The following COBL variants were observed in gnomAD, a reference collection of about 807,000 sequenced individuals.
COBL encodes cordon-bleu WH2 repeat protein.
A neutral mutation model predicts 98.8 loss-of-function variants in COBL; 51 were observed. The observed-to-expected ratio is 0.52, with a 90% CI of 0.41 to 0.65. COBL has a LOEUF of 0.65. Ranked by LOEUF, COBL falls within the 30% of genes least tolerant of loss-of-function variation. COBL has a pLI of 0.00. For missense variants in COBL, 1,617 were observed against 1,617.5 expected (o/e 1.00, Z 0.01); for synonymous variants, 634 against 651.7 (o/e 0.97, Z 0.41).
intron 5 of COBL, chr7:51,156,400 C>T: frequency 1.0e-6 from 1 of 985,306 alleles, no homozygotes; most frequent in Non-Finnish European, 1.2e-6. Flanking sequence ...TGAAAGCTCA[C>T]CGAAGTGTCT....
chr7:51,126,039 G>A (rs2128995163), intron 6 of COBL, among the ~76,000 whole-genome samples: 1 of 152,284 alleles, frequency 6.6e-6, no homozygotes, highest in Non-Finnish European at 1.5e-5. Context: ...CTTAAAATAT[G>A]GTGTTCAGGC....
chr7:51,065,528 G>A (rs1476132558), intron 7 of COBL: 1 of 620,456 alleles, frequency 1.6e-6, no homozygotes, highest in African/African-American at 1.8e-5. Flanking sequence ...TACAGTGTTG[G>A]GCTAGGGTGG....
intron 5 of COBL, among the ~76,000 whole-genome samples, chr7:51,163,280 G>A (rs920043980): frequency 2.6e-5 from 4 of 152,160 alleles, no homozygotes; most frequent in African/African-American, 7.2e-5. Flanking sequence ...GAAATATTAC[G>A]TCACTAACAT....
At chr7:51,280,184 C>G (rs962387742) in intron 1 of COBL, among the ~76,000 whole-genome samples, 4 of 151,580 alleles carry the variant, frequency 2.6e-5, no homozygotes, top group African/African-American at 7.3e-5. Context: ...TTTTTTTTTC[C>G]CAATCCTGGA....
At chr7:51,058,863 CG>C (rs1425604738) in intron 7 of COBL, among the ~76,000 whole-genome samples, 3 of 152,200 alleles carry the variant, frequency 2.0e-5, no homozygotes, top group African/African-American at 7.2e-5. Context: ...GGTCCTCCAA[CG>C]ACTTTCGTTC....
chr7:51,158,202 T>C (rs1786385951), intron 5 of COBL, among the ~76,000 whole-genome samples: 1 of 152,258 alleles, frequency 6.6e-6, no homozygotes, highest in South Asian at 2.1e-4. Context: ...TTATTCTTTT[T>C]ATTTTACTAT....
At chr7:51,208,233 G>A in intron 2 of COBL, among the ~76,000 whole-genome samples, 1 of 147,960 alleles carries the variant, frequency 6.8e-6, no homozygotes. Context: ...CCTCCGCCCG[G>A]CAGCCGCCCC....
At chr7:51,310,401 C>T (rs776273239) in intron 1 of COBL, among the ~76,000 whole-genome samples, 4 of 152,206 alleles carry the variant, frequency 2.6e-5, no homozygotes, top group Non-Finnish European at 4.4e-5. Context: ...AATCCTCCCG[C>T]TGTCTGCCTT....
chr7:51,043,435 G>T lies in COBL; in HGVS notation c.1354C>A (p.Pro452Thr), dbSNP rs1789398633. 6.2e-7 allele frequency: 1 copy of T among 1,614,208 alleles called. No individual in the cohort carries two copies. The change falls in exon 8 of 13, where the codon CCC (proline) becomes ACC (threonine). Residue 452 changes from proline (P) to threonine (T), a missense_variant. Physicochemically the swap from Pro to Thr is conservative, Grantham distance 38. Around this residue, in one of 3 missense-constraint regions of COBL, gnomAD observed 1,304 missense variants for 1,282.0 expected, o/e 1.02. Coordinates refer to ENST00000265136, the MANE Select transcript of COBL (RefSeq NM_015198.5). ...QDLAGTPDLG[P>T]QKSPLWEKNG... The stretch of plus-strand genomic sequence containing the variant: ...TTCTCCCACAAGGGGCTCTTCTGGG[G>T]ACCCAGGTCTGGGGTTCCAGCGAGG...
intron 4 of COBL, among the ~76,000 whole-genome samples, chr7:51,186,552 C>T (rs1272398743): frequency 6.6e-6 from 1 of 152,224 alleles, no homozygotes; most frequent in Admixed American, 6.5e-5. Context: ...GGCTGATCAT[C>T]ACCTCTAAGG....
intron 1 of COBL, among the ~76,000 whole-genome samples, chr7:51,291,012 T>C (rs994711307): frequency 1.3e-5 from 2 of 152,166 alleles, no homozygotes; most frequent in Non-Finnish European, 2.9e-5. Context: ...ACAGTGCCCA[T>C]TCCTGCCAGG....
At position 51,018,903 on chromosome 7, in the gene COBL, AAAATATAT is replaced by A. The variant is rs1359694822; in HGVS notation, c.3769-1343_3769-1336del. Among the ~76,000 whole-genome samples, 15 of 57,212 alleles carry A rather than the reference AAAATATAT, an allele frequency of 2.6e-4. 1 individual carries two copies. In the South Asian group the frequency reaches 4.8e-3, roughly 18 times the overall value. 37.5% of individuals were successfully genotyped at this position (57,212 alleles called of 152,430 possible). On this transcript the variant is annotated intron_variant, in intron 12 of 12. Coordinates refer to ENST00000265136, the MANE Select transcript of COBL (RefSeq NM_015198.5). ...AGAAACTCCATCTCAAAAAAAAAAA[AAAATATAT>A]ATATATATATATATATATATATATA...
intron 6 of COBL, among the ~76,000 whole-genome samples, chr7:51,106,950 T>C (rs368999258): frequency 2.0e-5 from 3 of 152,174 alleles, no homozygotes; most frequent in Admixed American, 6.5e-5. Context: ...TCATTACAAA[T>C]TGACAGCTTA....
chr7:51,264,455 G>A (rs913858817), intron 1 of COBL, among the ~76,000 whole-genome samples: 26 of 152,094 alleles, frequency 1.7e-4, no homozygotes, highest in Admixed American at 1.6e-3. Context: ...TGGATCACCT[G>A]AGGTGAGGAG....
At chr7:51,205,027 G>A (rs779277605) in intron 2 of COBL, among the ~76,000 whole-genome samples, 6 of 152,192 alleles carry the variant, frequency 3.9e-5, no homozygotes, top group Non-Finnish European at 7.4e-5. Context: ...ACAGATAAAT[G>A]TAAAGCTGTC....
intron 6 of COBL, among the ~76,000 whole-genome samples, chr7:51,132,136 A>C (rs1429159695): frequency 6.6e-6 from 1 of 152,222 alleles, no homozygotes; most frequent in Non-Finnish European, 1.5e-5. Context: ...TTTTAAATAT[A>C]ATCTGCTACT....
intron 7 of COBL, among the ~76,000 whole-genome samples, chr7:51,083,691 C>G (rs532436093): frequency 4.6e-5 from 7 of 152,298 alleles, no homozygotes; most frequent in African/African-American, 1.7e-4. Flanking sequence ...ATTCATTTAG[C>G]TTATCTCCTG....
intron 1 of COBL, among the ~76,000 whole-genome samples, chr7:51,316,127 GGGCTGC>G (rs1803553742): frequency 6.6e-6 from 1 of 152,200 alleles, no homozygotes; most frequent in African/African-American, 2.4e-5. Context: ...GCCGATCCTG[GGGCTGC>G]CGCCGAGGCC....
intron 1 of COBL, chr7:51,259,549 G>A (rs1563098066): frequency 1.4e-6 from 1 of 702,916 alleles, no homozygotes; most frequent in Middle Eastern, 4.1e-4. Flanking sequence ...AAGTGGAAAG[G>A]GCGCAAAAAC....
Sources: allele counts gnomAD v4.1 joint callset (sites outside exome capture counted in the v4.1 genomes callset), GRCh38; gene constraint gnomAD v4.1.1; regional missense constraint gnomAD v4.1.1; transcripts MANE v1.5; gene names NCBI Gene and HGNC (gene_info 2026-07-23, HGNC 2026-07-21).